The following CRHR1 variants were observed in gnomAD, a reference collection of about 807,000 sequenced individuals.
CRHR1 encodes corticotropin-releasing hormone receptor 1.
Under a neutral mutation model 56.0 loss-of-function variants are expected in CRHR1, and 28 were observed. The ratio of observed to expected loss-of-function variants is 0.50; its 90% CI spans 0.37 to 0.69. The LOEUF (loss-of-function observed/expected upper bound fraction) is 0.69, where lower values mean the gene tolerates loss of function less well. Among genes scored for constraint, CRHR1 ranks in the 30% least tolerant of loss-of-function variants. CRHR1 has a pLI of 0.00. For synonymous variants in CRHR1, 195 were observed against 216.5 expected (o/e 0.90, Z 0.87); for missense variants, 376 against 548.0 (o/e 0.69, Z 3.13).
In CRHR1 at chr17:45,795,996, A is replaced by G. The variant is rs988868722; in HGVS notation, c.34-11014A>G. 1.5e-4 allele frequency among the ~76,000 whole-genome samples: 23 copies of G among 152,236 alleles called. 1 individual carries two copies. Among genetic ancestry groups the G allele is most frequent in the African/African-American group, 2.4e-5 (1 of 41,456 alleles). On this transcript the variant is annotated intron_variant, in intron 1 of 12. Coordinates refer to ENST00000314537, the MANE Select transcript of CRHR1 (RefSeq NM_004382.5). ...CCCAAAGCCTTTAGCATTTTTAAAT[A>G]AAGTAGAACCTAATTTTCAGCCACC...
intron 12 of CRHR1, 98 bp downstream of exon 12, chr17:45,834,146 CT>C: frequency 4.8e-6 from 7 of 1,448,110 alleles, no homozygotes; most frequent in Non-Finnish European, 6.8e-6. Context: ...AGGGCTGCCT[CT>C]CTCCCTCCCT....
In CRHR1 at chr17:45,807,253, G is replaced by A. The variant is rs1007828020; in HGVS notation, c.121+156G>A. On this transcript the variant is annotated intron_variant, in intron 2 of 12. Transcript: ENST00000314537. ...CCAAGCAATTCTTCACATCTCCACC[G>A]AGCACCGTGTTGAGAAGGATCCTGA... Among the ~76,000 whole-genome samples, 3 of 152,328 alleles carry A rather than the reference G, an allele frequency of 2.0e-5. No homozygotes were observed. In the South Asian group the frequency reaches 6.2e-4, roughly 32 times the overall value.
At chr17:45,833,678 C>G (rs1215740106) in intron 10 of CRHR1, 36 bp from the exon 11 acceptor site, 9 of 1,601,044 alleles carry the variant, frequency 5.6e-6, no homozygotes, top group African/African-American at 1.3e-5. Flanking sequence ...CTGGGGTGGG[C>G]TGTGACTCCG....
chr17:45,835,219 C>T lies in CRHR1; in HGVS notation c.*455C>T, dbSNP rs2062413948. On this transcript the variant is annotated 3_prime_UTR_variant, in exon 13 of 13. Coordinates refer to ENST00000314537, the MANE Select transcript of CRHR1 (RefSeq NM_004382.5). ...AGCCTCTGACTCACCACGATGACGC[C>T]TCTGGACCTCGGTGATGCCTTCCGA... 6.0e-6 allele frequency: 1 copy of T among 167,296 alleles called. No homozygotes were observed. Among genetic ancestry groups the T allele is most frequent in the African/African-American group, 2.4e-5 (1 of 42,038 alleles). The allele number at this position is 167,296 out of a possible 1,614,324, so 10.4% of individuals were successfully genotyped here.
rs8077279 is a variant in CRHR1 at position 45,816,518 on chromosome 17, T to C, written c.177T>C (p.Pro59=). The change falls in exon 3 of 13, where the codon CCT becomes CCC. Residue 59 remains proline, a synonymous_variant. Coordinates refer to ENST00000314537, the MANE Select transcript of CRHR1 (RefSeq NM_004382.5). ...TTGGCACCTGCTGGCCCCGCAGCCC[T>C]GCGGGGCAGCTAGTGGTTCGGCCCT... is the stretch of plus-strand genomic sequence containing the variant. ...DLIGTCWPRS[P]AGQLVVRPCP... is the part of the protein sequence containing the mutation. 3,002 of 1,614,170 alleles carry C rather than the reference T, an allele frequency of 1.9e-3. 49 individuals carry two copies. The African/African-American group carries it at 0.033, about 18-fold the overall frequency.
intron 3 of CRHR1, among the ~76,000 whole-genome samples, chr17:45,818,862 T>C (rs12150390): frequency 0.14 from 21,827 of 152,238 alleles, 2,141 homozygotes; most frequent in Middle Eastern, 0.22. Flanking sequence ...CAAAAATATC[T>C]ATTTTCCCGT....
intron 2 of CRHR1, among the ~76,000 whole-genome samples, chr17:45,815,318 G>C (rs72834580): frequency 0.094 from 14,341 of 152,212 alleles, 803 homozygotes; most frequent in Middle Eastern, 0.15. Context: ...CCTCAGGGGG[G>C]TGCCAGGACT....
intron 1 of CRHR1, among the ~76,000 whole-genome samples, chr17:45,787,883 C>T (rs1026118304): frequency 5.3e-5 from 8 of 152,176 alleles, no homozygotes; most frequent in Admixed American, 1.3e-4. Context: ...CTGTGGCGTG[C>T]GGGACTGCTG....
chr17:45,828,748 A>G (rs2062223187), intron 4 of CRHR1, among the ~76,000 whole-genome samples: 1 of 152,242 alleles, frequency 6.6e-6, no homozygotes, highest in South Asian at 2.1e-4. Flanking sequence ...GCATTGCAGC[A>G]GGAGGGATTT....
chr17:45,821,320 GC>G, intron 3 of CRHR1, 34 bp from the exon 4 acceptor site: 2 of 1,593,544 alleles, frequency 1.3e-6, no homozygotes, highest in Non-Finnish European at 8.6e-7. Flanking sequence ...GGCCGGGGCT[GC>G]CCCGCCATCA....
At chr17:45,798,476 A>T (rs1028043760) in intron 1 of CRHR1, among the ~76,000 whole-genome samples, 14 of 150,804 alleles carry the variant, frequency 9.3e-5, no homozygotes, top group African/African-American at 3.5e-4. Context: ...CAGTGAGCCA[A>T]GATCGCGCCA....
intron 4 of CRHR1, among the ~76,000 whole-genome samples, chr17:45,824,557 G>T (rs973901328): frequency 6.6e-6 from 1 of 152,136 alleles, no homozygotes. Context: ...AGCCTGCCCT[G>T]CAACACCCAA....
intron 5 of CRHR1, chr17:45,829,528 G>A (rs1222364111): frequency 6.5e-7 from 1 of 1,532,940 alleles, no homozygotes; most frequent in Non-Finnish European, 8.8e-7. Context: ...TGGTGGGGAG[G>A]GACAAAACTT....
Position 45,814,576 on chromosome 17 carries a change from C to T in CRHR1, c.122-1887C>T, listed in dbSNP as rs573808329. ...ACGAAATAGATGAAGAGCTTTGAAACAGCAGGGCATGGCCTCTATACGATC... is the reference window on the plus strand; with the variant it reads ...ACGAAATAGATGAAGAGCTTTGAAATAGCAGGGCATGGCCTCTATACGATC... On this transcript the variant is annotated intron_variant, in intron 2 of 12. Transcript: ENST00000314537. 5.1e-4 allele frequency among the ~76,000 whole-genome samples: 78 copies of T among 152,316 alleles called. 1 individual carries two copies. The highest frequency in any genetic ancestry group is 1.8e-3 in the African/African-American group (74 of 41,570).
In CRHR1 at chr17:45,830,422, G is replaced by T; in HGVS notation, c.561G>T (p.Trp187Cys). The change falls in exon 7 of 13, where the codon TGG (tryptophan) becomes TGT (cysteine). Residue 187 changes from tryptophan to cysteine, a missense_variant. Physicochemically the swap from Trp to Cys is radical, Grantham distance 215 (BLOSUM62 -2). Around this residue, in one of 2 missense-constraint regions of CRHR1, gnomAD observed 369 missense variants for 519.5 expected, o/e 0.71. Coordinates refer to ENST00000314537, the MANE Select transcript of CRHR1 (RefSeq NM_004382.5). ...GGTTGGGGGTGGGGTGGCAGGGCTG[G>T]TGCAGGTTGGTGACAGCCGCCTACA... Reference protein sequence around the residue: ...SPEVHQSNVGWCRLVTAAYNY... With the variant: ...SPEVHQSNVGCCRLVTAAYNY... The T allele has an allele frequency of 6.2e-7, 1 of 1,607,552 alleles. No individual in the cohort carries two copies. The highest frequency in any genetic ancestry group is 1.1e-5 in the South Asian group (1 of 90,144).
At chr17:45,822,949 TC>T (rs990291369) in intron 4 of CRHR1, among the ~76,000 whole-genome samples, 4 of 148,330 alleles carry the variant, frequency 2.7e-5, no homozygotes, top group Non-Finnish European at 6.0e-5. Flanking sequence ...ATCGAGACCA[TC>T]CTGGCCAACA....
intron 1 of CRHR1, among the ~76,000 whole-genome samples, chr17:45,803,775 T>TGTGTGTGTGTGTGC (rs71138510): frequency 7.6e-4 from 114 of 150,444 alleles, no homozygotes; most frequent in African/African-American, 2.1e-3. Flanking sequence ...TGTGTGTGTG[T>TGTGTGTGTGTGTGC]GCGTGCGCGT....
In CRHR1 at chr17:45,829,284, G is replaced by A. The variant is rs1488725980; in HGVS notation, c.397G>A (p.Ala133Thr). Residue 133 changes from alanine (A) to threonine (T), a missense_variant, in exon 5 of 13, where the codon GCC becomes ACC. This residue lies in a region of CRHR1 where 369 missense variants were observed against 519.5 expected (regional missense o/e 0.71). Transcript: ENST00000314537. ...NYLGHCISLVALLVAFVLFLR... is the reference protein window; with the variant it reads ...NYLGHCISLVTLLVAFVLFLR... Reference sequence around the variant, plus strand: ...CCTGGGCCACTGTATCTCCCTGGTGGCCCTCCTGGTGGCCTTTGTCCTCTT... The same window carrying A: ...CCTGGGCCACTGTATCTCCCTGGTGACCCTCCTGGTGGCCTTTGTCCTCTT... The A allele has an allele frequency of 1.2e-6, 2 of 1,614,130 alleles. No homozygotes were observed. Among genetic ancestry groups the A allele is most frequent in the Non-Finnish European group, 1.7e-6 (2 of 1,180,032 alleles).
At chr17:45,795,352 C>T (rs565520464) in intron 1 of CRHR1, among the ~76,000 whole-genome samples, 2 of 152,358 alleles carry the variant, frequency 1.3e-5, no homozygotes, top group South Asian at 4.1e-4. Flanking sequence ...AGGCAAGTGT[C>T]TTCAAAGCTG....
Sources: allele counts gnomAD v4.1 joint callset (sites outside exome capture counted in the v4.1 genomes callset), GRCh38; gene constraint gnomAD v4.1.1; regional missense constraint gnomAD v4.1.1; transcripts MANE v1.5; gene names NCBI Gene and HGNC (gene_info 2026-07-23, HGNC 2026-07-21).